Variants in KLHL12 observed in about 807,000 individuals in gnomAD.
The protein encoded by KLHL12 is kelch-like protein 12.
In KLHL12, 17 loss-of-function variants were observed where a neutral mutation model predicts 60.8. The observed-to-expected ratio is 0.28, with a 90% CI of 0.19 to 0.42. The LOEUF (loss-of-function observed/expected upper bound fraction) is 0.42. Among genes scored for constraint, KLHL12 ranks in the 10% least tolerant of loss-of-function variants. The pLI is 1.00. For missense variants in KLHL12, 468 were observed against 722.3 expected (o/e 0.65, Z 4.04); for synonymous variants, 220 against 250.9 (o/e 0.88, Z 1.16).
chr1:202,913,123 C>T (rs958750822), intron 4 of KLHL12, among the ~76,000 whole-genome samples: 19 of 151,400 alleles, frequency 1.3e-4, no homozygotes, highest in East Asian at 5.8e-4. Context: ...CTGTGTATTA[C>T]GCACTATGCT....
rs1235989581 is a variant in KLHL12, at chr1:202,896,842, A to T, written c.939+12T>A. ...AACATCCCTCCCAACGAATGGTTTCACCATTATTTACTGGCAAAAAGCTCC... is the reference window on the plus strand; with the variant it reads ...AACATCCCTCCCAACGAATGGTTTCTCCATTATTTACTGGCAAAAAGCTCC... On this transcript the variant is annotated intron_variant, in intron 7 of 11. Transcript: ENST00000367261. 4 of 1,590,482 alleles carry T rather than the reference A, an allele frequency of 2.5e-6. No homozygotes were observed. The highest frequency in any genetic ancestry group is 3.5e-6 in the Non-Finnish European group (4 of 1,158,298).
intron 6 of KLHL12, among the ~76,000 whole-genome samples, chr1:202,903,378 T>G (rs1016159557): frequency 7.0e-6 from 1 of 143,706 alleles, no homozygotes; most frequent in East Asian, 2.0e-4. Context: ...TTGAACTCCC[T>G]CCCTTGTATC....
At chr1:202,908,922 T>G in intron 6 of KLHL12, 88 bp downstream of exon 6, 1 of 830,692 alleles carries the variant, frequency 1.2e-6, no homozygotes, top group Non-Finnish European at 2.0e-6. Context: ...GTGTCTGTAC[T>G]TCTTATAGAG....
chr1:202,893,217 G>T lies in KLHL12; in HGVS notation c.1580+22C>A. ...CTTGCTCTGGCTACATATTGAGTCT[G>T]GATTCGTTTCTAAATCCTCACCCTG... On this transcript the variant is annotated intron_variant, in intron 11 of 11. Coordinates refer to ENST00000367261, the MANE Select transcript of KLHL12 (RefSeq NM_021633.4). This position sits in a 1 kb window ranked among gnomAD's most constrained non-coding sequence, Gnocchi z 4.1. 6.4e-7 allele frequency: 1 copy of T among 1,565,876 alleles called. No individual in the cohort carries two copies.
intron 6 of KLHL12, among the ~76,000 whole-genome samples, chr1:202,901,458 C>CTTTTTTT (rs56658940): frequency 7.0e-6 from 1 of 142,016 alleles, no homozygotes; most frequent in African/African-American, 2.6e-5. Context: ...ACCCAGCTAC[C>CTTTTTTT]TTTTTTTTTT....
At chr1:202,919,689 A>C in intron 3 of KLHL12, 66 bp downstream of exon 3, 4 of 1,437,204 alleles carry the variant, frequency 2.8e-6, no homozygotes, top group Non-Finnish European at 3.8e-6. Context: ...TTAAGTTTAC[A>C]CTATTAATTT....
chr1:202,905,490 T>C (rs1049341208), intron 6 of KLHL12, among the ~76,000 whole-genome samples: 8 of 152,280 alleles, frequency 5.3e-5, no homozygotes, highest in Non-Finnish European at 1.2e-4. Context: ...GTGTCGGAAA[T>C]TGGAGTAAAA....
At chr1:202,906,240 G>A (rs952577768) in intron 6 of KLHL12, among the ~76,000 whole-genome samples, 35 of 149,976 alleles carry the variant, frequency 2.3e-4, no homozygotes, top group South Asian at 6.4e-4. Flanking sequence ...ATCACCTGAC[G>A]TCAGGAGTCC....
In KLHL12 at chr1:202,893,274, G is replaced by A. The variant is rs1571511043; in HGVS notation, c.1545C>T (p.Ala515=). 4 of 1,611,290 alleles carry A rather than the reference G, an allele frequency of 2.5e-6. No individual in the cohort carries two copies. In the South Asian group the frequency reaches 4.4e-5, roughly 18 times the overall value. The change falls in exon 11 of 12, where the codon GCC becomes GCT. Residue 515 remains alanine (A), a synonymous_variant. Coordinates refer to ENST00000367261, the MANE Select transcript of KLHL12 (RefSeq NM_021633.4). The surrounding 1 kb of genome is among the most constrained non-coding windows in gnomAD (Gnocchi z 4.1). ...CATAGAGTCTCCCCCGAAGCACTGT[G>A]GCCCCTACATAGCATCGTGGAGTGG... ...SMTTPRCYVG[A]TVLRGRLYAI...
In KLHL12 at chr1:202,895,890, C is replaced by T. The variant is rs1322236078; in HGVS notation, c.940-173G>A. Among the ~76,000 whole-genome samples the T allele has an allele frequency of 2.6e-5, 4 of 152,170 alleles. No individual in the cohort carries two copies. Among genetic ancestry groups the T allele is most frequent in the Admixed American group, 6.5e-5 (1 of 15,282 alleles). On this transcript the variant is annotated intron_variant, in intron 7 of 11. Coordinates refer to ENST00000367261, the MANE Select transcript of KLHL12 (RefSeq NM_021633.4). The surrounding 1 kb of genome is among the most constrained non-coding windows in gnomAD (Gnocchi z 4.2). ...GGCTCCCAAATAGCTACCTACTGAACGAAATGCCTGTTGTGGTGCTCTTAA... is the reference window on the plus strand; with the variant it reads ...GGCTCCCAAATAGCTACCTACTGAATGAAATGCCTGTTGTGGTGCTCTTAA...
intron 9 of KLHL12, 44 bp downstream of exon 9, chr1:202,894,547 T>C: frequency 6.3e-7 from 1 of 1,599,432 alleles, no homozygotes; most frequent in Non-Finnish European, 8.6e-7. Context: ...CACAGCCCAT[T>C]ACCCATTGAG....
intron 1 of KLHL12, 140 bp from the exon 2 acceptor site, chr1:202,925,347 G>T: frequency 1.1e-6 from 1 of 890,250 alleles, no homozygotes; most frequent in Non-Finnish European, 1.7e-6. Context: ...CCTATGCCTG[G>T]CATCACCACC....
At chr1:202,920,812 TTAAAAATCTA>T (rs1432132151) in intron 2 of KLHL12, among the ~76,000 whole-genome samples, 2 of 152,150 alleles carry the variant, frequency 1.3e-5, no homozygotes, top group Non-Finnish European at 2.9e-5. Context: ...GTGAATAACT[TTAAAAATCTA>T]TTTCATATTA....
rs1336130802 is a variant in KLHL12, at chr1:202,893,259, C to T, written c.1560G>A (p.Gly520=). ...RCYVGATVLR[G]RLYAIAGYDG... ...CTCACCCTGCAATTGCATAGAGTCT[C>T]CCCCGAAGCACTGTGGCCCCTACAT... Residue 520 remains glycine, a synonymous_variant, in exon 11 of 12, where the codon GGG becomes GGA. Coordinates refer to ENST00000367261, the MANE Select transcript of KLHL12 (RefSeq NM_021633.4). The surrounding 1 kb of genome is among the most constrained non-coding windows in gnomAD (Gnocchi z 4.1). 6.2e-7 allele frequency: 1 copy of T among 1,607,976 alleles called. No individual in the cohort carries two copies. The highest frequency in any genetic ancestry group is 8.5e-7 in the Non-Finnish European group (1 of 1,177,898).
intron 2 of KLHL12, among the ~76,000 whole-genome samples, chr1:202,924,221 T>G (rs1037307761): frequency 6.6e-6 from 1 of 152,160 alleles, no homozygotes; most frequent in African/African-American, 2.4e-5. Flanking sequence ...CAAGCCAACC[T>G]TTTCCTAATT....
At position 202,893,409 on chromosome 1, in the gene KLHL12, C is replaced by T. The variant is rs1276261175; in HGVS notation, c.1410G>A (p.Leu470=). The change falls in exon 11 of 12, where the codon CTG becomes CTA. Residue 470 remains leucine, a synonymous_variant. Transcript: ENST00000367261. This position sits in a 1 kb window ranked among gnomAD's most constrained non-coding sequence, Gnocchi z 4.1. ...CCACCACATAAATATGGTCATTCAG[C>T]AGGGCTACTCCTGCACCTGGGGAAA... ...ATKRSGAGVA[L]LNDHIYVVGG... is the part of the protein sequence containing the mutation. 1.9e-6 allele frequency: 3 copies of T among 1,612,996 alleles called. No homozygotes were observed. The Admixed American group carries it at 5.0e-5, about 27-fold the overall frequency.
At chr1:202,925,421 C>A (rs944277573) in intron 1 of KLHL12, among the ~76,000 whole-genome samples, 1 of 152,150 alleles carries the variant, frequency 6.6e-6, no homozygotes, top group Admixed American at 6.5e-5. Flanking sequence ...TCCTCTATCA[C>A]GGAGTGTCCC....
upstream of KLHL12, among the ~76,000 whole-genome samples, chr1:202,928,129 G>C (rs954940982): frequency 6.6e-6 from 1 of 151,484 alleles, no homozygotes; most frequent in African/African-American, 2.4e-5. Flanking sequence ...AAAAAAATTG[G>C]CTGGGCGTAG....
chr1:202,911,016 G>A (rs367807794), intron 5 of KLHL12, 38 bp downstream of exon 5: 60 of 1,607,002 alleles, frequency 3.7e-5, no homozygotes, highest in African/African-American at 2.4e-4. Context: ...GTAAGAGTCC[G>A]TCAAGGTTTT....
Sources: gnomAD v4.1 joint callset for allele counts (sites outside exome capture counted in the v4.1 genomes callset) on GRCh38, gnomAD v4.1.1 for gene constraint, Gnocchi (gnomAD v3.1) non-coding constraint, MANE v1.5 for transcripts, NCBI Gene and HGNC (gene_info 2026-07-23, HGNC 2026-07-21) for gene names.